The following CLSTN2 variants were observed in gnomAD, a reference collection of about 807,000 sequenced individuals.
CLSTN2 encodes calsyntenin 2.
Under a neutral mutation model 101.2 loss-of-function variants are expected in CLSTN2, and 48 were observed. That is an observed-to-expected ratio of 0.47 (90% CI 0.38 to 0.60). The LOEUF (loss-of-function observed/expected upper bound fraction) is 0.60. Ranked by LOEUF, CLSTN2 falls within the 20% of genes least tolerant of loss-of-function variation. The pLI is 0.00. For synonymous variants in CLSTN2, 481 were observed against 463.6 expected (o/e 1.04, Z -0.48); for missense variants, 1,160 against 1,238.2 (o/e 0.94, Z 0.95).
At chr3:140,454,457 T>C (rs945953320) in intron 6 of CLSTN2, 2 of 152,174 alleles carry the variant, frequency 1.3e-5, no homozygotes, top group African/African-American at 4.8e-5. Context: ...GGATCAATAG[T>C]GTGTGAGCTC....
At chr3:140,536,986 T>A (rs1444987694) in intron 9 of CLSTN2, among the ~76,000 whole-genome samples, 1 of 152,236 alleles carries the variant, frequency 6.6e-6, no homozygotes, top group Admixed American at 6.5e-5. Context: ...TATCAAAAGA[T>A]CTTTCAATAA....
chr3:140,064,992 T>G lies in CLSTN2; in HGVS notation c.110-110959T>G, dbSNP rs567326461. 7.2e-5 allele frequency among the ~76,000 whole-genome samples: 11 copies of G among 152,334 alleles called. No homozygotes were observed. In the South Asian group the frequency reaches 2.3e-3, roughly 32 times the overall value. On this transcript the variant is annotated intron_variant, in intron 1 of 16. Transcript: ENST00000458420. ...CTAAGATATTGGAAAATCTCTGAAA[T>G]GTATGGCATTCTGAGAAAGTATGCA... is the stretch of plus-strand genomic sequence containing the variant.
chr3:140,081,494 C>T (rs764067654), intron 1 of CLSTN2, among the ~76,000 whole-genome samples: 3 of 152,138 alleles, frequency 2.0e-5, no homozygotes, highest in Non-Finnish European at 4.4e-5. Context: ...TGACATGAGG[C>T]GGAGACGTTT....
intron 2 of CLSTN2, among the ~76,000 whole-genome samples, chr3:140,223,518 A>C (rs186472545): frequency 1.2e-4 from 18 of 152,136 alleles, no homozygotes; most frequent in African/African-American, 4.3e-4. Context: ...CCAGTTTCCG[A>C]AGAAGGATCC....
At chr3:140,345,852 C>T (rs954828364) in intron 2 of CLSTN2, among the ~76,000 whole-genome samples, 1 of 152,164 alleles carries the variant, frequency 6.6e-6, no homozygotes, top group Admixed American at 6.5e-5. Context: ...TTTAAAGTCA[C>T]AGCTGCTCCT....
chr3:140,301,281 T>C (rs2087055660), intron 2 of CLSTN2, among the ~76,000 whole-genome samples: 1 of 152,250 alleles, frequency 6.6e-6, no homozygotes, highest in Non-Finnish European at 1.5e-5. Context: ...TTAAAGCTGA[T>C]ATTTTAAAAG....
chr3:139,956,829 C>T (rs77413707), intron 1 of CLSTN2, among the ~76,000 whole-genome samples: 14,115 of 152,172 alleles, frequency 0.093, 816 homozygotes, highest in Middle Eastern at 0.22. Context: ...TTCTGGTATG[C>T]ATCCTTTTGC....
rs534254476 is a variant in CLSTN2, at chr3:140,501,400, C to CTAGATGCAGGAAGGAGGGGCACCCT, written c.1345-30922_1345-30898dup. On this transcript the variant is annotated intron_variant, in intron 8 of 16. Transcript: ENST00000458420. ...AGCTTTCTCCTGCCTAGCCTGAAGG[C>CTAGATGCAGGAAGGAGGGGCACCCT]TAGATGCAGGAAGGAGGGGCACCCT... Among the ~76,000 whole-genome samples, 647 of 152,274 alleles carry CTAGATGCAGGAAGGAGGGGCACCCT rather than the reference C, an allele frequency of 4.2e-3. 3 individuals carry two copies. The highest frequency in any genetic ancestry group is 0.014 in the African/African-American group (599 of 41,548).
intron 2 of CLSTN2, among the ~76,000 whole-genome samples, chr3:140,271,890 A>C (rs562717291): frequency 2.8e-4 from 43 of 152,370 alleles, no homozygotes; most frequent in Non-Finnish European, 4.4e-4. Flanking sequence ...GCTAATGTGC[A>C]AAATGTGTTG....
rs115263656 is a variant in CLSTN2 at position 140,573,941 on chromosome 3, G to C, written c.*7688G>C. 2,552 of 152,464 alleles carry C rather than the reference G, an allele frequency of 0.017. 37 individuals are homozygous for C. The highest frequency in any genetic ancestry group is 0.025 in the Non-Finnish European group (1,682 of 68,202). 9.4% of individuals were successfully genotyped at this position (152,464 alleles called of 1,614,324 possible). ...CATGCAGTTGAATGATGTGGTGCCT[G>C]GCCAGGACCTTGGAAAACGTGGCCA... On this transcript the variant is annotated 3_prime_UTR_variant, in exon 17 of 17. Transcript: ENST00000458420.
intron 1 of CLSTN2, among the ~76,000 whole-genome samples, chr3:140,117,472 A>C (rs929313468): frequency 1.2e-4 from 19 of 152,184 alleles, no homozygotes; most frequent in African/African-American, 4.3e-4. Flanking sequence ...TATGAGGTAA[A>C]GTGGGCAGGT....
At chr3:140,247,826 C>T (rs1174992431) in intron 2 of CLSTN2, among the ~76,000 whole-genome samples, 2 of 152,202 alleles carry the variant, frequency 1.3e-5, no homozygotes, top group Non-Finnish European at 2.9e-5. Flanking sequence ...AGGGCTCCCT[C>T]ATTCCTCACC....
chr3:139,967,927 A>G (rs574566552), intron 1 of CLSTN2, among the ~76,000 whole-genome samples: 1 of 152,314 alleles, frequency 6.6e-6, no homozygotes, highest in Admixed American at 6.5e-5. Flanking sequence ...GAAGGGAACT[A>G]CATGTGATGA....
intron 5 of CLSTN2, among the ~76,000 whole-genome samples, chr3:140,437,153 A>G (rs2108001570): frequency 6.7e-6 from 1 of 148,964 alleles, no homozygotes; most frequent in Non-Finnish European, 1.5e-5. Flanking sequence ...GGTTCACGCC[A>G]TTCTCCTGCC....
At position 140,566,199 on chromosome 3, in the gene CLSTN2, G is replaced by A. The variant is rs1186631124; in HGVS notation, c.2814G>A (p.Gln938=). The change falls in exon 17 of 17, where the codon CAG becomes CAA. Residue 938 remains glutamine (Q), a synonymous_variant. Transcript: ENST00000458420. ...GGATGGGCAGAGGCAGACATGGGCA[G>A]AATGGAGCCAGGCAAGCCCAGCTGG... ...EEGMGRGRHG[Q]NGARQAQLEW... 6.2e-7 allele frequency: 1 copy of A among 1,603,418 alleles called. No homozygotes were observed. The highest frequency in any genetic ancestry group is 8.5e-7 in the Non-Finnish European group (1 of 1,174,668).
intron 1 of CLSTN2, among the ~76,000 whole-genome samples, chr3:140,170,163 G>T (rs1576453677): frequency 6.6e-6 from 1 of 152,148 alleles, no homozygotes; most frequent in Admixed American, 6.5e-5. Flanking sequence ...AAAAAATAAA[G>T]AATCCAGTTG....
intron 5 of CLSTN2, among the ~76,000 whole-genome samples, chr3:140,440,232 G>T (rs1342968012): frequency 6.6e-6 from 1 of 152,204 alleles, no homozygotes; most frequent in African/African-American, 2.4e-5. Context: ...AGGAACAGCA[G>T]CAGTCACAGC....
intron 2 of CLSTN2, among the ~76,000 whole-genome samples, chr3:140,200,932 G>C (rs2010710563): frequency 6.6e-6 from 1 of 152,078 alleles, no homozygotes; most frequent in Admixed American, 6.5e-5. Flanking sequence ...AAAGGACCTT[G>C]ATAGCATAAC....
intron 13 of CLSTN2, 94 bp from the exon 14 acceptor site, chr3:140,562,717 A>T (rs1483980626): frequency 1.5e-6 from 2 of 1,330,054 alleles, no homozygotes. Flanking sequence ...TACAAGACCC[A>T]TGAGGTCTTG....
Sources: gnomAD v4.1 joint callset for allele counts (sites outside exome capture counted in the v4.1 genomes callset) on GRCh38, gnomAD v4.1.1 for gene constraint, MANE v1.5 for transcripts, NCBI Gene and HGNC (gene_info 2026-07-23, HGNC 2026-07-21) for gene names.